CFHR4: variants seen among roughly 807,000 people sequenced by gnomAD.
CFHR4 encodes complement factor H related 4, also known as complement factor H-related protein 4.
A neutral mutation model predicts 69.3 loss-of-function variants in CFHR4; 64 were observed. That is an observed-to-expected ratio of 0.92 (90% CI 0.76 to 1.14). The LOEUF is 1.14. CFHR4 is among the 50% of genes most tolerant of loss of function. CFHR4 has a pLI of 0.00. For missense variants in CFHR4, 636 were observed against 684.9 expected (o/e 0.93, Z 0.80); for synonymous variants, 244 against 237.0 (o/e 1.03, Z -0.27).
At chr1:196,894,570 C>T (rs766226306) in intron 1 of CFHR4, among the ~76,000 whole-genome samples, 3 of 151,464 alleles carry the variant, frequency 2.0e-5, no homozygotes, top group Non-Finnish European at 4.4e-5. Context: ...ACACTTTTGA[C>T]AGATATGGGA....
intron 1 of CFHR4, among the ~76,000 whole-genome samples, chr1:196,889,879 A>G (rs1297740269): frequency 6.6e-6 from 1 of 151,518 alleles, no homozygotes; most frequent in Middle Eastern, 3.2e-3. Context: ...CACACCATAT[A>G]GAGAAAGACC....
intron 1 of CFHR4, among the ~76,000 whole-genome samples, chr1:196,891,855 C>A (rs978215687): frequency 2.0e-5 from 3 of 150,730 alleles, no homozygotes; most frequent in African/African-American, 7.4e-5. Flanking sequence ...CGTGTGTGGA[C>A]CTATATTTTT....
chr1:196,913,707 A>G (rs745922961), intron 7 of CFHR4, among the ~76,000 whole-genome samples: 10 of 151,380 alleles, frequency 6.6e-5, no homozygotes, highest in Non-Finnish European at 1.2e-4. Context: ...TATAATTTAC[A>G]TACTCCCAAA....
rs528613959 is a variant in CFHR4, at chr1:196,910,261, T to C, written c.800-20T>C. On this transcript the variant is annotated intron_variant, in intron 5 of 9. Transcript: ENST00000608469. Reference sequence around the variant, plus strand: ...TTACAGTGAAACATTATTTATACTATTTTTGTTTTTTGTTACAAGCAATGA... The same window carrying C: ...TTACAGTGAAACATTATTTATACTACTTTTGTTTTTTGTTACAAGCAATGA... 1.8e-5 allele frequency: 26 copies of C among 1,465,750 alleles called. No homozygotes were observed. Among genetic ancestry groups the C allele is most frequent in the Middle Eastern group, 3.5e-4 (2 of 5,716 alleles). 90.8% of individuals were successfully genotyped at this position (1,465,750 alleles called of 1,614,324 possible).
rs1213820697 is a variant in CFHR4 at position 196,912,847 on chromosome 1, G to T, written c.1105G>T (p.Ala369Ser). The T allele has an allele frequency of 6.2e-7, 1 of 1,610,896 alleles. No individual in the cohort carries two copies. The highest frequency in any genetic ancestry group is 1.1e-5 in the South Asian group (1 of 90,598). ...EIQYKCKPGY[A>S]TADGNSSGSI... is the part of the protein sequence containing the mutation. ...ACAATATAAATGTAAACCAGGATATGCAACAGCAGATGGAAATTCTTCAGG... is the reference window on the plus strand; with the variant it reads ...ACAATATAAATGTAAACCAGGATATTCAACAGCAGATGGAAATTCTTCAGG... The change falls in exon 7 of 10, where the codon GCA (alanine) becomes TCA (serine). Residue 369 changes from alanine to serine, a missense_variant. By Grantham distance (99) the Ala-to-Ser change is moderately conservative (BLOSUM62 1). Around this residue, in one of 3 missense-constraint regions of CFHR4, gnomAD observed 529 missense variants for 533.2 expected, o/e 0.99. Coordinates refer to ENST00000608469, the MANE Select transcript of CFHR4 (RefSeq NM_001201550.3).
intron 1 of CFHR4, among the ~76,000 whole-genome samples, chr1:196,889,442 A>T (rs1656903423): frequency 6.6e-6 from 1 of 151,614 alleles, no homozygotes. Flanking sequence ...AATGACTGAA[A>T]TTAGATTAGA....
intron 6 of CFHR4, among the ~76,000 whole-genome samples, chr1:196,911,228 C>A (rs1658255134): frequency 6.6e-6 from 1 of 151,458 alleles, no homozygotes; most frequent in Admixed American, 6.6e-5. Flanking sequence ...CTTTCAGTTC[C>A]AAATGTGTCT....
At chr1:196,904,950 A>C (rs371634195) in intron 2 of CFHR4, among the ~76,000 whole-genome samples, 158 bp from the exon 3 acceptor site, 32 of 151,650 alleles carry the variant, frequency 2.1e-4, no homozygotes, top group Non-Finnish European at 2.1e-4. Flanking sequence ...ATTTTCTTTC[A>C]AAATTCACAG....
chr1:196,905,507 T>C (rs1470801273), intron 3 of CFHR4, among the ~76,000 whole-genome samples: 2 of 151,548 alleles, frequency 1.3e-5, no homozygotes, highest in East Asian at 3.9e-4. Flanking sequence ...CTCAATTCAA[T>C]TTGCCTTTAC....
rs1016964376 is a variant in CFHR4 at position 196,907,312 on chromosome 1, T to G, written c.617-4T>G. ...TTTCCCCAATGTAAAGTATTTTTTT[T>G]CAGATTCTTCAGAAAACTGTGGGCC... On this transcript the variant is annotated splice_region_variant and splice_polypyrimidine_tract_variant and intron_variant, in intron 4 of 9. Coordinates refer to ENST00000608469, the MANE Select transcript of CFHR4 (RefSeq NM_001201550.3). The G allele has an allele frequency of 6.2e-7, 1 of 1,607,614 alleles. No homozygotes were observed. Among genetic ancestry groups the G allele is most frequent in the Admixed American group, 1.7e-5 (1 of 59,618 alleles).
Position 196,888,132 on chromosome 1 carries a change from A to G in CFHR4, c.-19A>G, listed in dbSNP as rs1423705597. On this transcript the variant is annotated 5_prime_UTR_variant, in exon 1 of 10. In the 5' UTR this introduces an upstream ATG that the reference lacks. Coordinates refer to ENST00000608469, the MANE Select transcript of CFHR4 (RefSeq NM_001201550.3). ...GCAACTGAAACTTTTGCATTACTAT[A>G]CTACTGAGAATATCTAACATGTTGT... 2 of 1,608,892 alleles carry G rather than the reference A, an allele frequency of 1.2e-6. No homozygotes were observed. The highest frequency in any genetic ancestry group is 1.1e-5 in the South Asian group (1 of 90,944).
intron 5 of CFHR4, among the ~76,000 whole-genome samples, chr1:196,908,604 C>A (rs1422025775): frequency 6.6e-6 from 1 of 151,356 alleles, no homozygotes; most frequent in East Asian, 1.9e-4. Flanking sequence ...TCCCACAAAT[C>A]CTATGAACTT....
Position 196,888,075 on chromosome 1 carries a change from C to A in CFHR4, c.-76C>A. 1.4e-6 allele frequency: 2 copies of A among 1,443,760 alleles called. No individual in the cohort carries two copies. The highest frequency in any genetic ancestry group is 1.2e-5 in the South Asian group (1 of 86,884). 89.4% of individuals were successfully genotyped at this position (1,443,760 alleles called of 1,614,324 possible). On this transcript the variant is annotated 5_prime_UTR_variant, in exon 1 of 10. Coordinates refer to ENST00000608469, the MANE Select transcript of CFHR4 (RefSeq NM_001201550.3). ...TTAAATTCAGAATCACACTTGGTAA[C>A]TAATAATGAAAGATTTCAAACCCCA...
intron 1 of CFHR4, among the ~76,000 whole-genome samples, chr1:196,888,682 T>C (rs1656861091): frequency 6.6e-6 from 1 of 151,356 alleles, no homozygotes; most frequent in Non-Finnish European, 1.5e-5. Context: ...ATTTCTATTA[T>C]ACCTTAAGAA....
In CFHR4 at chr1:196,910,510, T is replaced by C. The variant is rs746290034; in HGVS notation, c.997+32T>C. ...AAACCTCTTTACAACAATATGTGCATAAAACTTGCAAAGAATGGAGAGAGA... is the reference window on the plus strand; with the variant it reads ...AAACCTCTTTACAACAATATGTGCACAAAACTTGCAAAGAATGGAGAGAGA... On this transcript the variant is annotated intron_variant, in intron 6 of 9. Coordinates refer to ENST00000608469, the MANE Select transcript of CFHR4 (RefSeq NM_001201550.3). 3.2e-6 allele frequency: 5 copies of C among 1,547,054 alleles called. 1 individual carries two copies. The African/African-American group carries it at 5.5e-5, about 17-fold the overall frequency.
chr1:196,903,751 AAC>A (rs1657752122), intron 2 of CFHR4, among the ~76,000 whole-genome samples: 1 of 151,428 alleles, frequency 6.6e-6, no homozygotes, highest in Admixed American at 6.6e-5. Flanking sequence ...ACATTAAAGT[AAC>A]ACTGCTTCAG....
At chr1:196,888,715 T>A (rs1408973672) in intron 1 of CFHR4, among the ~76,000 whole-genome samples, 1 of 151,342 alleles carries the variant, frequency 6.6e-6, no homozygotes. Context: ...TAATTAACAT[T>A]AATATGAATT....
intron 1 of CFHR4, among the ~76,000 whole-genome samples, chr1:196,902,067 GC>G (rs949331106): frequency 1.3e-4 from 20 of 151,434 alleles, no homozygotes; most frequent in Non-Finnish European, 2.7e-4. Flanking sequence ...AGAAGAACAG[GC>G]AGGGCTCTGA....
Position 196,910,457 on chromosome 1 carries a change from T to A in CFHR4, c.976T>A (p.Leu326Met). 6.2e-7 allele frequency: 1 copy of A among 1,612,452 alleles called. No homozygotes were observed. ...CATTCACTGCACACAAGATGGGTGG[T>A]TGCCAACAGTCCCATGCCTCAGTAA... Reference protein sequence around the residue: ...DYIHCTQDGWLPTVPCLRTCS... With the variant: ...DYIHCTQDGWMPTVPCLRTCS... Residue 326 changes from leucine to methionine, a missense_variant, in exon 6 of 10, where the codon TTG becomes ATG. This residue lies in a region of CFHR4 where 529 missense variants were observed against 533.2 expected (regional missense o/e 0.99). Transcript: ENST00000608469.
Sources: gnomAD v4.1 joint callset for allele counts (sites outside exome capture counted in the v4.1 genomes callset) on GRCh38, gnomAD v4.1.1 for gene constraint, gnomAD v4.1.1 regional missense constraint, MANE v1.5 for transcripts, NCBI Gene and HGNC (gene_info 2026-07-23, HGNC 2026-07-21) for gene names.